The following SLC35F3 variants were observed in gnomAD, a reference collection of about 807,000 sequenced individuals.
SLC35F3 encodes the protein putative thiamine transporter SLC35F3.
Under a neutral mutation model 49.9 loss-of-function variants are expected in SLC35F3, and 25 were observed. That is an observed-to-expected ratio of 0.50 (90% confidence interval 0.37 to 0.70). The LOEUF (loss-of-function observed/expected upper bound fraction) is 0.70. Ranked by LOEUF, SLC35F3 falls within the 30% of genes least tolerant of loss-of-function variation. The probability of loss-of-function intolerance (pLI) is 0.00; values close to 1 mark genes in which losing one functional copy is unlikely to be tolerated. For synonymous variants in SLC35F3, 275 were observed against 265.4 expected, an observed-to-expected ratio of 1.04 and a Z score of -0.35; for missense variants, 525 against 639.8, an observed-to-expected ratio of 0.82 and a Z score of 1.94.
At chr1:233,917,016 G>C (rs539964066) in intron 2 of SLC35F3, among the ~76,000 whole-genome samples, 2 of 152,060 alleles carry the variant, frequency 1.3e-5, no homozygotes, top group African/African-American at 2.4e-5. Context: ...TCTAAAACAC[G>C]GCAAATGTAT....
chr1:234,096,285 G>A (rs1005433449), intron 2 of SLC35F3, among the ~76,000 whole-genome samples: 5 of 151,348 alleles, frequency 3.3e-5, no homozygotes, highest in East Asian at 2.0e-4. Flanking sequence ...CTTTTTCCTC[G>A]GCTCTCCCAG....
At chr1:234,301,117 C>T (rs560660009) in intron 3 of SLC35F3, among the ~76,000 whole-genome samples, 4 of 152,192 alleles carry the variant, frequency 2.6e-5, no homozygotes. Flanking sequence ...AATGTCCAGG[C>T]AAGGGTGGTA....
chr1:234,136,801 G>A (rs1452165852), intron 2 of SLC35F3, among the ~76,000 whole-genome samples: 1 of 152,246 alleles, frequency 6.6e-6, no homozygotes, highest in Non-Finnish European at 1.5e-5. Flanking sequence ...TGCAGCAGGT[G>A]TGTGCACAGC....
At chr1:234,151,525 A>C (rs12071272) in intron 2 of SLC35F3, among the ~76,000 whole-genome samples, 1 of 151,900 alleles carries the variant, frequency 6.6e-6, no homozygotes, top group Non-Finnish European at 1.5e-5. Context: ...AAATTATATA[A>C]GATGTGAAAA....
chr1:234,192,751 G>A (rs1398984057), intron 2 of SLC35F3, among the ~76,000 whole-genome samples: 1 of 152,108 alleles, frequency 6.6e-6, no homozygotes, highest in African/African-American at 2.4e-5. Flanking sequence ...CAAATTTCAG[G>A]ATACAAAATT....
intron 2 of SLC35F3, among the ~76,000 whole-genome samples, chr1:234,093,694 G>C (rs1665078990): frequency 6.6e-6 from 1 of 152,240 alleles, no homozygotes; most frequent in Admixed American, 6.5e-5. Flanking sequence ...TGTTTGTGCA[G>C]CTCCAGCCCC....
intron 2 of SLC35F3, among the ~76,000 whole-genome samples, chr1:234,098,874 G>C (rs1025781792): frequency 6.6e-6 from 1 of 151,602 alleles, no homozygotes; most frequent in Non-Finnish European, 1.5e-5. Flanking sequence ...GGCGGTGGTA[G>C]TGACGGTGTT....
At chr1:234,202,979 C>T (rs1666921869) in intron 2 of SLC35F3, among the ~76,000 whole-genome samples, 2 of 152,178 alleles carry the variant, frequency 1.3e-5, no homozygotes, top group South Asian at 2.1e-4. Context: ...CTCTCCCCAG[C>T]TCAGAGCTCT....
At chr1:234,067,762 C>A (rs989737227) in intron 2 of SLC35F3, among the ~76,000 whole-genome samples, 1 of 152,192 alleles carries the variant, frequency 6.6e-6, no homozygotes, top group Non-Finnish European at 1.5e-5. Flanking sequence ...GCATGCATGA[C>A]CCCTGGCAAA....
At chr1:234,003,865 C>A (rs971263437) in intron 2 of SLC35F3, among the ~76,000 whole-genome samples, 17 of 152,072 alleles carry the variant, frequency 1.1e-4, no homozygotes, top group African/African-American at 4.1e-4. Context: ...CAGCCTTACC[C>A]CTAATTAGGA....
At chr1:234,065,899 G>T (rs1357165440) in intron 2 of SLC35F3, among the ~76,000 whole-genome samples, 1 of 152,150 alleles carries the variant, frequency 6.6e-6, no homozygotes, top group Non-Finnish European at 1.5e-5. Flanking sequence ...CATACATGAG[G>T]TCCAGAAATT....
rs141184143 is a variant in SLC35F3 at position 234,181,041 on chromosome 1, A to G, written c.284-50376A>G. 2.7e-3 allele frequency among the ~76,000 whole-genome samples: 406 copies of G among 152,294 alleles called. 2 individuals carry two copies. The highest frequency in any genetic ancestry group is 4.4e-3 in the Non-Finnish European group (296 of 68,024). On this transcript the variant is annotated intron_variant, in intron 2 of 7. Transcript: ENST00000366618. ...TTTTGAGGCATTTCTAAATGTATGT[A>G]TTTCTTAAAAATGGCCAGGCGCGGT...
intron 3 of SLC35F3, among the ~76,000 whole-genome samples, chr1:234,245,007 C>A (rs1308787552): frequency 1.3e-5 from 2 of 152,116 alleles, no homozygotes; most frequent in Non-Finnish European, 2.9e-5. Context: ...TTGAAATACA[C>A]AAAATATTGT....
chr1:234,286,549 C>G (rs16842871), intron 3 of SLC35F3, among the ~76,000 whole-genome samples: 1 of 152,124 alleles, frequency 6.6e-6, no homozygotes, highest in Non-Finnish European at 1.5e-5. Flanking sequence ...AAGGATATGA[C>G]AGCATTGTTC....
At chr1:234,008,232 A>G (rs1663661091) in intron 2 of SLC35F3, among the ~76,000 whole-genome samples, 1 of 152,206 alleles carries the variant, frequency 6.6e-6, no homozygotes, top group African/African-American at 2.4e-5. Context: ...CCAATGGAGG[A>G]CACCATGATT....
chr1:233,989,100 A>T (rs1663314442), intron 2 of SLC35F3, among the ~76,000 whole-genome samples: 2 of 152,240 alleles, frequency 1.3e-5, no homozygotes, highest in African/African-American at 4.8e-5. Flanking sequence ...CACAGATTAC[A>T]CATAGTGCCC....
At chr1:234,210,744 A>G (rs1356430412) in intron 2 of SLC35F3, among the ~76,000 whole-genome samples, 1 of 152,276 alleles carries the variant, frequency 6.6e-6, no homozygotes, top group Non-Finnish European at 1.5e-5. Flanking sequence ...GAAAATGTGC[A>G]GCCTGATGCA....
chr1:234,185,324 A>G (rs1666626972), intron 2 of SLC35F3, among the ~76,000 whole-genome samples: 3 of 152,202 alleles, frequency 2.0e-5, no homozygotes, highest in South Asian at 2.1e-4. Context: ...TGAATATCCA[A>G]ATGTGTCTGA....
At chr1:234,273,586 A>G (rs1395148855) in intron 3 of SLC35F3, among the ~76,000 whole-genome samples, 1 of 152,284 alleles carries the variant, frequency 6.6e-6, no homozygotes, top group African/African-American at 2.4e-5. Context: ...TACGTGATAC[A>G]GATTCTAAAT....
Sources: allele counts gnomAD v4.1 joint callset (sites outside exome capture counted in the v4.1 genomes callset), GRCh38; gene constraint gnomAD v4.1.1; transcripts MANE v1.5; gene names NCBI Gene and HGNC (gene_info 2026-07-23, HGNC 2026-07-21).